The following TBX20 variants were observed in gnomAD, a reference collection of about 807,000 sequenced individuals.
TBX20 encodes T-box transcription factor TBX20.
In TBX20, 8 loss-of-function variants were observed where a neutral mutation model predicts 42.9. The ratio of observed to expected loss-of-function variants is 0.19; its 90% CI spans 0.11 to 0.34. TBX20 has a LOEUF of 0.34. Ranked by LOEUF, TBX20 falls within the 10% of genes least tolerant of loss-of-function variation. The pLI is 1.00. For synonymous variants in TBX20, 198 were observed against 222.8 expected, an observed-to-expected ratio of 0.89 and a Z score of 0.99; for missense variants, 411 against 566.0, an observed-to-expected ratio of 0.73 and a Z score of 2.78.
At chr7:35,229,268 A>G (rs1348759634) in intron 6 of TBX20, among the ~76,000 whole-genome samples, 1 of 152,146 alleles carries the variant, frequency 6.6e-6, no homozygotes, top group Non-Finnish European at 1.5e-5. Context: ...TATATTGTTA[A>G]GGATAGGGCT....
intron 5 of TBX20, among the ~76,000 whole-genome samples, chr7:35,233,888 C>T (rs1309493139): frequency 6.6e-6 from 1 of 152,202 alleles, no homozygotes; most frequent in African/African-American, 2.4e-5. Flanking sequence ...GGATGACATG[C>T]ACAGCTAATC....
chr7:35,232,880 G>A (rs1271559241), intron 5 of TBX20, among the ~76,000 whole-genome samples: 2 of 152,110 alleles, frequency 1.3e-5, no homozygotes. Context: ...AAATTAGCCA[G>A]GCATAGTGGC....
chr7:35,209,717 T>C (rs1160593703), intron 6 of TBX20, among the ~76,000 whole-genome samples: 2 of 152,242 alleles, frequency 1.3e-5, no homozygotes, highest in East Asian at 3.9e-4. Context: ...TCATTCACTA[T>C]TGTCCTAGTT....
At chr7:35,238,954 C>T (rs1009740330) in intron 5 of TBX20, among the ~76,000 whole-genome samples, 1 of 151,876 alleles carries the variant, frequency 6.6e-6, no homozygotes, top group African/African-American at 2.4e-5. Context: ...CCATCATAAC[C>T]ACATGTCTTA....
chr7:35,231,808 C>G (rs867955987), intron 5 of TBX20, among the ~76,000 whole-genome samples: 2 of 152,014 alleles, frequency 1.3e-5, no homozygotes, highest in Non-Finnish European at 2.9e-5. Flanking sequence ...TGGAGGTTGA[C>G]AGATAGATAC....
chr7:35,233,208 C>T (rs1401293776), intron 5 of TBX20, among the ~76,000 whole-genome samples: 1 of 152,160 alleles, frequency 6.6e-6, no homozygotes, highest in Non-Finnish European at 1.5e-5. Context: ...TGCAAAGAAG[C>T]TATTTATGCC....
At chr7:35,205,025 A>G (rs1438756562) in intron 6 of TBX20, among the ~76,000 whole-genome samples, 2 of 152,230 alleles carry the variant, frequency 1.3e-5, no homozygotes, top group African/African-American at 2.4e-5. Context: ...CCAACAACCA[A>G]TGAAATGTTG....
Position 35,244,938 on chromosome 7 carries a change from A to T in TBX20, c.654+11T>A. On this transcript the variant is annotated intron_variant, in intron 4 of 7. Coordinates refer to ENST00000408931, the MANE Select transcript of TBX20 (RefSeq NM_001077653.2). ...TCAGGGAACCTGCACAGTCCAAGGC[A>T]TGGTACTTACATGGCCATGTTGATC... The T allele has an allele frequency of 6.3e-7, 1 of 1,598,102 alleles. No individual in the cohort carries two copies. The highest frequency in any genetic ancestry group is 8.6e-7 in the Non-Finnish European group (1 of 1,165,422).
chr7:35,252,427 C>A (rs1584361142), intron 1 of TBX20, among the ~76,000 whole-genome samples: 1 of 146,674 alleles, frequency 6.8e-6, no homozygotes, highest in South Asian at 2.2e-4. Context: ...CTACTAGTTT[C>A]TTTTTCCTTG....
In TBX20 at chr7:35,204,619, G is replaced by A. The variant is rs764965737; in HGVS notation, c.891-37C>T. 6.0e-6 allele frequency: 9 copies of A among 1,507,408 alleles called. No individual in the cohort carries two copies. The South Asian group carries it at 6.9e-5, about 11-fold the overall frequency. The allele number at this position is 1,507,408 out of a possible 1,614,324, so 93.4% of individuals were successfully genotyped here. A position where few individuals can be genotyped will look rare whatever the true frequency, so the allele number is the denominator to read the frequency against. ...TGACATATCACAGGTTAAGTAAAAT[G>A]TAAAGGACTCAGAGATACAGAGAGG... On this transcript the variant is annotated intron_variant, in intron 6 of 7. Coordinates refer to ENST00000408931, the MANE Select transcript of TBX20 (RefSeq NM_001077653.2).
At chr7:35,230,400 C>T (rs747043241) in intron 6 of TBX20, among the ~76,000 whole-genome samples, 6 of 152,112 alleles carry the variant, frequency 3.9e-5, no homozygotes, top group Admixed American at 1.3e-4. Flanking sequence ...TTGTCAAGCT[C>T]TCCAACTATT....
chr7:35,206,403 C>A (rs1477469469), intron 6 of TBX20, among the ~76,000 whole-genome samples: 1 of 152,074 alleles, frequency 6.6e-6, no homozygotes, highest in East Asian at 1.9e-4. Context: ...CAAAAATCAG[C>A]CAGGCATGGT....
At chr7:35,205,960 G>A (rs1255604992) in intron 6 of TBX20, among the ~76,000 whole-genome samples, 1 of 152,150 alleles carries the variant, frequency 6.6e-6, no homozygotes, top group Non-Finnish European at 1.5e-5. Flanking sequence ...TATAGTAAGT[G>A]AAAAAAGTAA....
Position 35,250,168 on chromosome 7 carries a change from G to T in TBX20, c.163C>A (p.Leu55Met), listed in dbSNP as rs1790277352. The T allele has an allele frequency of 6.2e-7, 1 of 1,614,110 alleles. No homozygotes were observed. Among genetic ancestry groups the T allele is most frequent in the Non-Finnish European group, 8.5e-7 (1 of 1,180,016 alleles). The part of the protein sequence containing the change: ...FVEKSSCAQP[L>M]GELTSLDAHG... ...GCATCCAGGCTGGTCAGCTCACCCA[G>T]GGGCTGGGCACAGGACGACTTCTCC... Residue 55 changes from leucine (L) to methionine (M), a missense_variant, in exon 2 of 8, where the codon CTG (leucine) becomes ATG (methionine). This residue lies in a region of TBX20 where 114 missense variants were observed against 128.0 expected (regional missense o/e 0.89). Transcript: ENST00000408931.
intron 3 of TBX20, among the ~76,000 whole-genome samples, chr7:35,247,550 A>G (rs1790217723): frequency 6.6e-6 from 1 of 152,156 alleles, no homozygotes; most frequent in Non-Finnish European, 1.5e-5. Flanking sequence ...ATAATATAAT[A>G]AACTACTAAT....
In TBX20 at chr7:35,202,781, A is replaced by C. The variant is rs992990874; in HGVS notation, c.1004-11T>G. 3.9e-6 allele frequency: 6 copies of C among 1,544,294 alleles called. No individual in the cohort carries two copies. Among genetic ancestry groups the C allele is most frequent in the Non-Finnish European group, 5.3e-6 (6 of 1,142,124 alleles). On this transcript the variant is annotated splice_polypyrimidine_tract_variant and intron_variant, in intron 7 of 7. Coordinates refer to ENST00000408931, the MANE Select transcript of TBX20 (RefSeq NM_001077653.2). ...TTGTAAAGGCTGACCCTGTAAGGAA[A>C]AACACTCATTAGACTGGAAACACTG...
At chr7:35,222,823 T>C (rs1487708134) in intron 6 of TBX20, among the ~76,000 whole-genome samples, 3 of 151,600 alleles carry the variant, frequency 2.0e-5, no homozygotes, top group Non-Finnish European at 4.4e-5. Context: ...TTTGAGGCCT[T>C]GTCTGGACTT....
At chr7:35,214,551 C>T (rs1376493226) in intron 6 of TBX20, among the ~76,000 whole-genome samples, 2 of 152,108 alleles carry the variant, frequency 1.3e-5, no homozygotes, top group Non-Finnish European at 2.9e-5. Context: ...AATTAATTTA[C>T]CAGCTGCCAT....
At chr7:35,202,919 C>A in intron 7 of TBX20, 149 bp from the exon 8 acceptor site, 2 of 1,432,428 alleles carry the variant, frequency 1.4e-6, no homozygotes, top group Non-Finnish European at 1.9e-6. Context: ...TGTCACGAGG[C>A]AAATCTACTT....
Sources: gnomAD v4.1 joint callset for allele counts (sites outside exome capture counted in the v4.1 genomes callset) on GRCh38, gnomAD v4.1.1 for gene constraint, gnomAD v4.1.1 regional missense constraint, MANE v1.5 for transcripts, NCBI Gene and HGNC (gene_info 2026-07-23, HGNC 2026-07-21) for gene names.